INHA: variants seen among roughly 807,000 people sequenced by gnomAD.
INHA encodes the protein inhibin alpha chain.
Under a neutral mutation model 21.3 loss-of-function variants are expected in INHA, and 8 were observed. The observed-to-expected ratio is 0.38, with a 90% confidence interval of 0.22 to 0.68. INHA has a LOEUF of 0.68. Ranked by LOEUF, INHA falls within the 30% of genes least tolerant of loss-of-function variation. The pLI is 0.53. For synonymous variants in INHA, 231 were observed against 207.5 expected, an observed-to-expected ratio of 1.11 and a Z score of -0.97; for missense variants, 436 against 465.8, an observed-to-expected ratio of 0.94 and a Z score of 0.59.
In INHA at chr2:219,575,373, G is replaced by C; in HGVS notation, c.948G>C (p.Gln316His). 2 of 1,614,122 alleles carry C rather than the reference G, an allele frequency of 1.2e-6. No individual in the cohort carries two copies. Among genetic ancestry groups the C allele is most frequent in the Non-Finnish European group, 1.7e-6 (2 of 1,180,000 alleles). The change falls in exon 2 of 2, where the codon CAG becomes CAC. Residue 316 changes from glutamine (Q) to histidine (H), a missense_variant. Transcript: ENST00000243786. ...CTGGGGCTCCCCCTACCCCAGCCCA[G>C]CCCTACTCCTTGCTGCCAGGGGCCC... ...PVPGAPPTPA[Q>H]PYSLLPGAQP...
intron 1 of INHA, among the ~76,000 whole-genome samples, chr2:219,573,479 T>G (rs1216040748): frequency 6.6e-6 from 1 of 152,134 alleles, no homozygotes; most frequent in Non-Finnish European, 1.5e-5. Context: ...AACTACACAT[T>G]CTTGAAAGGA....
chr2:219,575,446 C>A lies in INHA; in HGVS notation c.1021C>A (p.Arg341Ser). The change falls in exon 2 of 2, where the codon CGC becomes AGC. Residue 341 changes from arginine to serine, a missense_variant. By Grantham distance (110) the Arg-to-Ser change is moderately radical. Coordinates refer to ENST00000243786, the MANE Select transcript of INHA (RefSeq NM_002191.4). The stretch of plus-strand genomic sequence containing the variant: ...AGGGACCATGAGGCCCCTACATGTC[C>A]GCACCACCTCGGATGGAGGTTACTC... ...LPGTMRPLHV[R>S]TTSDGGYSFK... 2 of 1,614,028 alleles carry A rather than the reference C, an allele frequency of 1.2e-6. No individual in the cohort carries two copies. The highest frequency in any genetic ancestry group is 2.2e-5 in the South Asian group (2 of 91,076).
chr2:219,574,593 A>G (rs1697486421), intron 1 of INHA, 101 bp from the exon 2 acceptor site: 1 of 980,346 alleles, frequency 1.0e-6, no homozygotes, highest in Non-Finnish European at 1.6e-6. Context: ...GCAGCCCATC[A>G]TTGGCTCATG....
rs1399336459 is a variant in INHA at position 219,572,539 on chromosome 2, C to T, written c.165C>T (p.Val55=). ...CCAGGGAAGGTGGGGACCCTGGAGT[C>T]AGGCGGCTGCCCCGAAGACATGCCC... ...AVTREGGDPG[V]RRLPRRHALG... Residue 55 remains valine, a synonymous_variant, in exon 1 of 2, where the codon GTC becomes GTT. Coordinates refer to ENST00000243786, the MANE Select transcript of INHA (RefSeq NM_002191.4). The T allele has an allele frequency of 1.3e-6, 2 of 1,585,736 alleles. No individual in the cohort carries two copies. The highest frequency in any genetic ancestry group is 2.7e-5 in the African/African-American group (2 of 74,248).
chr2:219,575,484 G>A lies in INHA; in HGVS notation c.1059G>A (p.Glu353=). Residue 353 remains glutamate, a synonymous_variant, in exon 2 of 2, where the codon GAG becomes GAA. Coordinates refer to ENST00000243786, the MANE Select transcript of INHA (RefSeq NM_002191.4). ...TSDGGYSFKY[E]TVPNLLTQHC... is the part of the protein sequence containing the mutation. ...ATGGAGGTTACTCTTTCAAGTATGA[G>A]ACAGTGCCCAACCTTCTCACGCAGC... 3.1e-6 allele frequency: 5 copies of A among 1,613,942 alleles called. No homozygotes were observed. The highest frequency in any genetic ancestry group is 4.2e-6 in the Non-Finnish European group (5 of 1,180,018).
At chr2:219,574,056 A>G (rs1697479348) in intron 1 of INHA, among the ~76,000 whole-genome samples, 1 of 151,742 alleles carries the variant, frequency 6.6e-6, no homozygotes, top group South Asian at 2.1e-4. Context: ...AGGCAGGCAG[A>G]TTGCTTGAGC....
Position 219,572,543 on chromosome 2 carries a change from C to T in INHA, c.169C>T (p.Arg57Trp), listed in dbSNP as rs1224525818. 4 of 1,580,482 alleles carry T rather than the reference C, an allele frequency of 2.5e-6. No homozygotes were observed. The highest frequency in any genetic ancestry group is 1.8e-5 in the Admixed American group (1 of 54,342). ...TREGGDPGVRRLPRRHALGGF... is the reference protein window; with the variant it reads ...TREGGDPGVRWLPRRHALGGF... ...GGAAGGTGGGGACCCTGGAGTCAGG[C>T]GGCTGCCCCGAAGACATGCCCTGGG... Residue 57 changes from arginine to tryptophan, a missense_variant, in exon 1 of 2, where the codon CGG (arginine) becomes TGG (tryptophan). Coordinates refer to ENST00000243786, the MANE Select transcript of INHA (RefSeq NM_002191.4).
Position 219,572,380 on chromosome 2 carries a change from G to C in INHA, c.6G>C (p.Val2=), listed in dbSNP as rs1697423632. The C allele has an allele frequency of 6.2e-7, 1 of 1,613,858 alleles. No homozygotes were observed. The highest frequency in any genetic ancestry group is 8.5e-7 in the Non-Finnish European group (1 of 1,180,026). The change falls in exon 1 of 2, where the codon GTG becomes GTC. Residue 2 remains valine (V), a synonymous_variant. Transcript: ENST00000243786. ...CTAGCAGGGCCAGGTGAGCTATGGT[G>C]CTGCACCTACTGCTCTTCTTGCTGC... M[V]LHLLLFLLLT...
intron 1 of INHA, among the ~76,000 whole-genome samples, chr2:219,574,297 G>GGT (rs11424338): frequency 0.32 from 45,745 of 142,992 alleles, 8,283 homozygotes; most frequent in East Asian, 0.48. Context: ...AAAAAAAAAA[G>GGT]AATATAACAA....
chr2:219,574,275 T>C (rs1697482275), intron 1 of INHA, among the ~76,000 whole-genome samples: 1 of 119,596 alleles, frequency 8.4e-6, no homozygotes, highest in Non-Finnish European at 1.8e-5. Context: ...TAAGACTCTG[T>C]CTCAAAAAAA....
intron 1 of INHA, 147 bp downstream of exon 1, chr2:219,572,789 G>A (rs1697442687): frequency 6.7e-6 from 6 of 891,024 alleles, no homozygotes; most frequent in Non-Finnish European, 1.1e-5. Flanking sequence ...ACTTCCTTAT[G>A]CTTCTGTCTC....
rs1473648557 is a variant in INHA at position 219,575,509 on chromosome 2, C to G, written c.1084C>G (p.His362Asp). Reference protein sequence around the residue: ...YETVPNLLTQHCACI With the variant: ...YETVPNLLTQDCACI ...GACAGTGCCCAACCTTCTCACGCAG[C>G]ACTGTGCTTGTATCTAAGGGTGGGG... Residue 362 changes from histidine (H) to aspartate (D), a missense_variant, in exon 2 of 2, where the codon CAC becomes GAC. Coordinates refer to ENST00000243786, the MANE Select transcript of INHA (RefSeq NM_002191.4). 3.1e-6 allele frequency: 5 copies of G among 1,613,400 alleles called. No individual in the cohort carries two copies. Among genetic ancestry groups the G allele is most frequent in the Non-Finnish European group, 3.4e-6 (4 of 1,179,732 alleles).
At position 219,574,788 on chromosome 2, in the gene INHA, A is replaced by G. The variant is rs768123486; in HGVS notation, c.363A>G (p.Thr121=). 3 of 1,613,990 alleles carry G rather than the reference A, an allele frequency of 1.9e-6. No homozygotes were observed. Among genetic ancestry groups the G allele is most frequent in the Admixed American group, 3.3e-5 (2 of 60,008 alleles). ...ACATGTTCCGGCCATCCCAGCATACACGCAGCCGCCAGGTGACTTCAGCCC... is the reference window on the plus strand; with the variant it reads ...ACATGTTCCGGCCATCCCAGCATACGCGCAGCCGCCAGGTGACTTCAGCCC... ...FRYMFRPSQH[T]RSRQVTSAQL... The change falls in exon 2 of 2, where the codon ACA becomes ACG. Residue 121 remains threonine (T), a synonymous_variant. Transcript: ENST00000243786.
At chr2:219,572,775 C>G (rs1697442198) in intron 1 of INHA, 133 bp downstream of exon 1, 2 of 979,372 alleles carry the variant, frequency 2.0e-6, no homozygotes, top group Non-Finnish European at 3.1e-6. Context: ...AGGCCAGTTA[C>G]TAAACTTCCT....
At chr2:219,574,636 G>A in intron 1 of INHA, 58 bp from the exon 2 acceptor site, 2 of 1,420,820 alleles carry the variant, frequency 1.4e-6, no homozygotes, top group Middle Eastern at 2.1e-4. Flanking sequence ...CTGAAGAGGA[G>A]GGGTGCCAGG....
In INHA at chr2:219,575,505, G is replaced by A. The variant is rs1448515259; in HGVS notation, c.1080G>A (p.Thr360=). 1.9e-6 allele frequency: 3 copies of A among 1,613,308 alleles called. No homozygotes were observed. Among genetic ancestry groups the A allele is most frequent in the Admixed American group, 1.7e-5 (1 of 60,022 alleles). ...ATGAGACAGTGCCCAACCTTCTCAC[G>A]CAGCACTGTGCTTGTATCTAAGGGT... is the stretch of plus-strand genomic sequence containing the variant. ...FKYETVPNLL[T]QHCACI Residue 360 remains threonine (T), a synonymous_variant, in exon 2 of 2, where the codon ACG becomes ACA. Coordinates refer to ENST00000243786, the MANE Select transcript of INHA (RefSeq NM_002191.4).
chr2:219,574,208 G>A (rs1043436193), intron 1 of INHA, among the ~76,000 whole-genome samples: 4 of 151,190 alleles, frequency 2.6e-5, no homozygotes, highest in African/African-American at 9.7e-5. Context: ...GAGCCCAGGA[G>A]GTAGACGCTG....
chr2:219,575,326 C>A lies in INHA; in HGVS notation c.901C>A (p.Pro301Thr). Reference protein sequence around the residue: ...CHGGCGLHIPPNLSLPVPGAP... With the variant: ...CHGGCGLHIPTNLSLPVPGAP... ...TGGTGGTTGTGGGCTGCACATCCCA[C>A]CAAACCTGTCCCTTCCAGTCCCTGG... Residue 301 changes from proline (P) to threonine (T), a missense_variant, in exon 2 of 2, where the codon CCA becomes ACA. Transcript: ENST00000243786. The A allele has an allele frequency of 1.2e-6, 2 of 1,614,238 alleles. No individual in the cohort carries two copies. Among genetic ancestry groups the A allele is most frequent in the Non-Finnish European group, 1.7e-6 (2 of 1,180,036 alleles).
chr2:219,572,334 G>T lies in INHA; in HGVS notation c.-41G>T. The T allele has an allele frequency of 6.2e-7, 1 of 1,613,040 alleles. No homozygotes were observed. The highest frequency in any genetic ancestry group is 1.1e-5 in the South Asian group (1 of 90,900). On this transcript the variant is annotated 5_prime_UTR_variant, in exon 1 of 2. Coordinates refer to ENST00000243786, the MANE Select transcript of INHA (RefSeq NM_002191.4). Reference sequence around the variant, plus strand: ...GGCAGACCCTGGCAGAAGGGGCACGGGGCAGGGTGTGAGTTCCCCACTAGC... The same window carrying T: ...GGCAGACCCTGGCAGAAGGGGCACGTGGCAGGGTGTGAGTTCCCCACTAGC...
Sources: allele counts gnomAD v4.1 joint callset (sites outside exome capture counted in the v4.1 genomes callset), GRCh38; gene constraint gnomAD v4.1.1; transcripts MANE v1.5; gene names NCBI Gene and HGNC (gene_info 2026-07-23, HGNC 2026-07-21).